Variants in SEL1L observed in about 807,000 individuals in gnomAD.
SEL1L encodes protein sel-1 homolog 1.
In SEL1L, 52 loss-of-function variants were observed where a neutral mutation model predicts 109.8. The observed-to-expected ratio is 0.47, with a 90% CI of 0.38 to 0.60. The LOEUF (loss-of-function observed/expected upper bound fraction) is 0.60. Ranked by LOEUF, SEL1L falls within the 20% of genes least tolerant of loss-of-function variation. SEL1L has a pLI of 0.00. For missense variants in SEL1L, 749 were observed against 962.2 expected (o/e 0.78, Z 2.93); for synonymous variants, 373 against 339.6 (o/e 1.10, Z -1.08).
intron 3 of SEL1L, among the ~76,000 whole-genome samples, chr14:81,519,096 A>T (rs1884815595): frequency 6.6e-6 from 1 of 152,196 alleles, no homozygotes; most frequent in African/African-American, 2.4e-5. Flanking sequence ...CCAGGAAGAG[A>T]CTGCCAACTT....
chr14:81,482,004 C>T (rs564962553), intron 19 of SEL1L, among the ~76,000 whole-genome samples: 1 of 151,644 alleles, frequency 6.6e-6, no homozygotes, highest in South Asian at 2.1e-4. Context: ...GCACTCCAGC[C>T]TGGGCAACAG....
intron 1 of SEL1L, among the ~76,000 whole-genome samples, chr14:81,530,464 A>G (rs1885279161): frequency 6.6e-6 from 1 of 152,182 alleles, no homozygotes; most frequent in African/African-American, 2.4e-5. Context: ...GAAATTAAAC[A>G]TCCTCTGCTG....
intron 3 of SEL1L, among the ~76,000 whole-genome samples, chr14:81,515,206 T>C (rs1409336947): frequency 6.6e-6 from 1 of 152,136 alleles, no homozygotes; most frequent in Non-Finnish European, 1.5e-5. Context: ...GGAGGGGAAT[T>C]TGGCCCAACC....
At chr14:81,524,650 T>A (rs1160646760) in intron 3 of SEL1L, among the ~76,000 whole-genome samples, 1 of 152,106 alleles carries the variant, frequency 6.6e-6, no homozygotes, top group Non-Finnish European at 1.5e-5. Flanking sequence ...GGTGGGCAGA[T>A]CACTTAAGGT....
At chr14:81,500,738 C>T (rs964855637) in intron 6 of SEL1L, among the ~76,000 whole-genome samples, 10 of 151,282 alleles carry the variant, frequency 6.6e-5, no homozygotes, top group Admixed American at 1.3e-4. Flanking sequence ...TATGAATTAC[C>T]AAGATAAACT....
At position 81,473,089 on chromosome 14, in the gene SEL1L, G is replaced by A. The variant is rs1214449773; in HGVS notation, c.*3883C>T. On this transcript the variant is annotated 3_prime_UTR_variant, in exon 21 of 21. Transcript: ENST00000336735. ...ATTTACAAAAAGAGTCTACCATGGT[G>A]TTCCTTCACAATGCCAGCTTAAGGT... is the stretch of plus-strand genomic sequence containing the variant. The A allele has an allele frequency of 6.6e-6, 1 of 152,324 alleles. No individual in the cohort carries two copies. The highest frequency in any genetic ancestry group is 1.5e-5 in the Non-Finnish European group (1 of 68,112). The allele number at this position is 152,324 out of a possible 1,614,324, so 9.4% of individuals were successfully genotyped here. A position where few individuals can be genotyped will look rare whatever the true frequency, so the allele number is the denominator to read the frequency against.
rs772862090 is a variant in SEL1L, at chr14:81,497,999, G to A, written c.1021C>T (p.Arg341Trp). 35 of 1,613,476 alleles carry A rather than the reference G, an allele frequency of 2.2e-5. No homozygotes were observed. Among genetic ancestry groups the A allele is most frequent in the South Asian group, 3.3e-5 (3 of 91,050 alleles). Reference protein sequence around the residue: ...LTGGSVVQRIRLPDEVENPGM... With the variant: ...LTGGSVVQRIWLPDEVENPGM... ...GGATTTTCCACTTCATCAGGCAGCC[G>A]TATTCTCTGTACTACTGAGCCTCCT... The change falls in exon 10 of 21, where the codon CGG (arginine) becomes TGG (tryptophan). Residue 341 changes from arginine to tryptophan, a missense_variant. Coordinates refer to ENST00000336735, the MANE Select transcript of SEL1L (RefSeq NM_005065.6).
chr14:81,517,441 T>C (rs983636273), intron 3 of SEL1L, among the ~76,000 whole-genome samples: 2 of 152,152 alleles, frequency 1.3e-5, no homozygotes, highest in Non-Finnish European at 2.9e-5. Flanking sequence ...AAATTTTAGA[T>C]AAACCAGAAA....
intron 3 of SEL1L, among the ~76,000 whole-genome samples, chr14:81,521,164 G>A (rs1884892952): frequency 6.6e-6 from 1 of 152,162 alleles, no homozygotes; most frequent in African/African-American, 2.4e-5. Context: ...TTATCGGTAT[G>A]AAAGATACAT....
chr14:81,516,220 C>T (rs997687991), intron 3 of SEL1L, among the ~76,000 whole-genome samples: 7 of 148,806 alleles, frequency 4.7e-5, no homozygotes, highest in Non-Finnish European at 9.0e-5. Context: ...CACCGAGCCC[C>T]GGGTACGTTT....
In SEL1L at chr14:81,479,490, G is replaced by A. The variant is rs999410490; in HGVS notation, c.2175+122C>T. ...CCTCGGGTACCTGAGCTGAGGAGAA[G>A]GGAACACACCCGATACCTGCAGGAC... On this transcript the variant is annotated intron_variant, in intron 20 of 20. Coordinates refer to ENST00000336735, the MANE Select transcript of SEL1L (RefSeq NM_005065.6). The A allele has an allele frequency of 1.3e-5, 12 of 943,326 alleles. No individual in the cohort carries two copies. In the African/African-American group the frequency reaches 1.7e-4, roughly 13 times the overall value. The allele number at this position is 943,326 out of a possible 1,614,324, so 58.4% of individuals were successfully genotyped here. A position where few individuals can be genotyped will look rare whatever the true frequency, so the allele number is the denominator to read the frequency against.
intron 11 of SEL1L, among the ~76,000 whole-genome samples, chr14:81,493,182 C>G (rs576896035): frequency 9.9e-5 from 15 of 152,128 alleles, no homozygotes; most frequent in African/African-American, 3.6e-4. Context: ...GGAACCAGTT[C>G]CCCCTCAATC....
At chr14:81,503,513 AT>A (rs199719187) in intron 5 of SEL1L, among the ~76,000 whole-genome samples, 6,381 of 151,820 alleles carry the variant, frequency 0.042, 199 homozygotes, top group Non-Finnish European at 0.063. Flanking sequence ...TAATTTTTAA[AT>A]TTTTTTTAGA....
chr14:81,510,921 A>G (rs113446912), intron 3 of SEL1L, among the ~76,000 whole-genome samples: 9 of 152,356 alleles, frequency 5.9e-5, no homozygotes, highest in African/African-American at 2.2e-4. Context: ...GTCACCAAAA[A>G]AAATCTCCCA....
Position 81,475,766 on chromosome 14 carries a change from A to G in SEL1L, c.*1206T>C, listed in dbSNP as rs935424097. The G allele has an allele frequency of 2.6e-5, 4 of 152,174 alleles. No individual in the cohort carries two copies. Among genetic ancestry groups the G allele is most frequent in the African/African-American group, 7.2e-5 (3 of 41,440 alleles). The allele number at this position is 152,174 out of a possible 1,614,324, so 9.4% of individuals were successfully genotyped here. A position where few individuals can be genotyped will look rare whatever the true frequency, so the allele number is the denominator to read the frequency against. ...GAAGCATAGTAGCCTTGATTTTCCTAATGTTAACAGTGAGAAAATGGTGAC... is the reference window on the plus strand; with the variant it reads ...GAAGCATAGTAGCCTTGATTTTCCTGATGTTAACAGTGAGAAAATGGTGAC... On this transcript the variant is annotated 3_prime_UTR_variant, in exon 21 of 21. Transcript: ENST00000336735.
chr14:81,500,832 T>C (rs1252020424), intron 6 of SEL1L, among the ~76,000 whole-genome samples: 2 of 152,182 alleles, frequency 1.3e-5, no homozygotes, highest in African/African-American at 4.8e-5. Flanking sequence ...AGAGCACACA[T>C]GATTTTCTAA....
chr14:81,510,472 A>ATATC (rs1555346553), intron 3 of SEL1L, among the ~76,000 whole-genome samples: 9 of 118,884 alleles, frequency 7.6e-5, no homozygotes, highest in Non-Finnish European at 1.4e-4. Context: ...TAGAATGCTG[A>ATATC]TCTCTCTCTC....
chr14:81,496,393 T>C (rs1883751370), intron 10 of SEL1L, among the ~76,000 whole-genome samples: 1 of 151,308 alleles, frequency 6.6e-6, no homozygotes, highest in Non-Finnish European at 1.5e-5. Flanking sequence ...GAAACACAAA[T>C]GGGTGCTCTT....
At chr14:81,493,495 G>A (rs989229545) in intron 11 of SEL1L, among the ~76,000 whole-genome samples, 2 of 148,890 alleles carry the variant, frequency 1.3e-5, no homozygotes, top group Admixed American at 6.9e-5. Flanking sequence ...GGGTAACAGA[G>A]TGAACCCTGT....
Sources: allele counts gnomAD v4.1 joint callset (sites outside exome capture counted in the v4.1 genomes callset), GRCh38; gene constraint gnomAD v4.1.1; transcripts MANE v1.5; gene names NCBI Gene and HGNC (gene_info 2026-07-23, HGNC 2026-07-21).